MOB4: variants seen among roughly 807,000 people sequenced by gnomAD.
MOB4 encodes the protein MOB-like protein phocein.
In MOB4, 4 loss-of-function variants were observed where a neutral mutation model predicts 32.2. That is an observed-to-expected ratio of 0.12 (90% CI 0.06 to 0.28). The LOEUF is 0.28. MOB4 is among the 10% of genes least tolerant of loss of function. The pLI, the probability that MOB4 is intolerant of heterozygous loss-of-function variation, is 1.00. For missense variants in MOB4, 158 were observed against 271.2 expected (o/e 0.58, Z 2.93); for synonymous variants, 88 against 88.1 (o/e 1.00, Z 0.01).
intron 2 of MOB4, among the ~76,000 whole-genome samples, chr2:197,531,340 G>A (rs916453670): frequency 2.6e-5 from 4 of 151,342 alleles, no homozygotes; most frequent in Non-Finnish European, 5.9e-5. Flanking sequence ...CACTGCGCCC[G>A]GCCTCATTTT....
chr2:197,542,192 A>G lies in MOB4; in HGVS notation c.354+1755A>G, dbSNP rs1356421089. On this transcript the variant is annotated intron_variant, in intron 5 of 7. Transcript: ENST00000323303. ...TAAATATACTGTCATTCTCATATCC[A>G]CTTCTTTCTTGATTAATATTAAATG... Among the ~76,000 whole-genome samples the G allele has an allele frequency of 2.0e-5, 3 of 152,198 alleles. No individual in the cohort carries two copies. In the South Asian group the frequency reaches 6.2e-4, roughly 32 times the overall value.
At chr2:197,535,287 A>T (rs901539804) in intron 2 of MOB4, among the ~76,000 whole-genome samples, 2 of 152,132 alleles carry the variant, frequency 1.3e-5, no homozygotes, top group Admixed American at 6.6e-5. Context: ...GTCCTGACAA[A>T]TACAATATCT....
At chr2:197,515,684 G>A (rs1051970954), upstream of MOB4, 16 of 204,268 alleles carry the variant, frequency 7.8e-5, no homozygotes, top group Non-Finnish European at 1.6e-4. Flanking sequence ...TTTGCTTGCA[G>A]GTGGGTTTAC....
In MOB4 at chr2:197,517,364, A is replaced by T. The variant is rs542564032; in HGVS notation, c.60+1218A>T. 2.6e-5 allele frequency among the ~76,000 whole-genome samples: 4 copies of T among 152,302 alleles called. No homozygotes were observed. In the East Asian group the frequency reaches 7.7e-4, roughly 29 times the overall value. On this transcript the variant is annotated intron_variant, in intron 1 of 7. Transcript: ENST00000323303. ...TATTCCTACTGACAGTTTTGTTTTC[A>T]TACTACTGGAAATTTATCCGTTACA...
At chr2:197,536,358 TA>T (rs1035802383) in intron 3 of MOB4, among the ~76,000 whole-genome samples, 2 of 151,608 alleles carry the variant, frequency 1.3e-5, no homozygotes, top group Non-Finnish European at 2.9e-5. Flanking sequence ...TGCATGCCTC[TA>T]AGCCTGGCTA....
chr2:197,532,084 T>A (rs145610998), intron 2 of MOB4, among the ~76,000 whole-genome samples: 1,834 of 151,922 alleles, frequency 0.012, 32 homozygotes, highest in African/African-American at 0.042. Flanking sequence ...AGTTTTTGTA[T>A]TTTTAGTAGA....
At chr2:197,524,383 T>G (rs993356236) in intron 2 of MOB4, among the ~76,000 whole-genome samples, 3 of 151,780 alleles carry the variant, frequency 2.0e-5, no homozygotes, top group Non-Finnish European at 2.9e-5. Flanking sequence ...ACATAAAAAA[T>G]TAGCCAGACA....
intron 1 of MOB4, among the ~76,000 whole-genome samples, chr2:197,518,780 G>A (rs1047402026): frequency 3.3e-5 from 5 of 151,716 alleles, no homozygotes; most frequent in African/African-American, 1.2e-4. Context: ...TTTGAGACAA[G>A]AGTCTCACTC....
At chr2:197,545,251 G>C (rs1460602488) in intron 5 of MOB4, among the ~76,000 whole-genome samples, 1 of 152,096 alleles carries the variant, frequency 6.6e-6, no homozygotes, top group Non-Finnish European at 1.5e-5. Context: ...CAAAACCACA[G>C]ATACCAAAGT....
chr2:197,541,615 G>A (rs1336822173), intron 5 of MOB4, among the ~76,000 whole-genome samples: 2 of 152,216 alleles, frequency 1.3e-5, no homozygotes, highest in African/African-American at 4.8e-5. Context: ...ATTAATTGAA[G>A]CAGTATTAAG....
intron 1 of MOB4, among the ~76,000 whole-genome samples, chr2:197,519,132 G>C (rs1273983854): frequency 6.6e-6 from 1 of 152,172 alleles, no homozygotes; most frequent in Admixed American, 6.6e-5. Context: ...CTGACCTCAA[G>C]TGATCTTCCC....
chr2:197,538,697 A>C (rs2086845229), intron 3 of MOB4, among the ~76,000 whole-genome samples: 1 of 152,150 alleles, frequency 6.6e-6, no homozygotes, highest in African/African-American at 2.4e-5. Flanking sequence ...TATTTGCCAC[A>C]GATTATACCC....
chr2:197,533,224 G>A (rs188095352), intron 2 of MOB4, among the ~76,000 whole-genome samples: 3 of 152,344 alleles, frequency 2.0e-5, no homozygotes, highest in Admixed American at 6.5e-5. Flanking sequence ...GTTCTGTGAG[G>A]ATTCGAATAA....
chr2:197,538,382 A>G (rs2086839506), intron 3 of MOB4, among the ~76,000 whole-genome samples: 1 of 148,598 alleles, frequency 6.7e-6, no homozygotes, highest in Admixed American at 6.7e-5. Flanking sequence ...TTAGTTGACC[A>G]GGAAGAGGTT....
At chr2:197,529,693 C>T (rs545765784) in intron 2 of MOB4, among the ~76,000 whole-genome samples, 4 of 151,912 alleles carry the variant, frequency 2.6e-5, no homozygotes, top group East Asian at 3.9e-4. Context: ...TTTGCTCTGT[C>T]GCCCAGGCTG....
chr2:197,515,722 G>A (rs995532248), upstream of MOB4: 1 of 286,306 alleles, frequency 3.5e-6, no homozygotes, highest in Non-Finnish European at 6.6e-6. Context: ...TACGAAGTTC[G>A]TTCTTCCCGT....
intron 2 of MOB4, chr2:197,533,939 A>G (rs2086752299): frequency 1.7e-6 from 1 of 586,170 alleles, no homozygotes; most frequent in South Asian, 1.4e-5. Context: ...AAGAGGAGAC[A>G]TTGGAAAAGA....
intron 2 of MOB4, among the ~76,000 whole-genome samples, chr2:197,532,540 C>T (rs2086723538): frequency 6.6e-6 from 1 of 151,874 alleles, no homozygotes; most frequent in African/African-American, 2.4e-5. Context: ...CTTGAATTAG[C>T]CAGGTGTTGT....
intron 5 of MOB4, among the ~76,000 whole-genome samples, chr2:197,546,301 T>C (rs900990093): frequency 4.6e-5 from 7 of 152,160 alleles, no homozygotes; most frequent in Non-Finnish European, 1.0e-4. Context: ...GACCTTGTGA[T>C]CCACCTGCCT....
Sources: allele counts gnomAD v4.1 joint callset (sites outside exome capture counted in the v4.1 genomes callset), GRCh38; gene constraint gnomAD v4.1.1; transcripts MANE v1.5; gene names NCBI Gene and HGNC (gene_info 2026-07-23, HGNC 2026-07-21).